The following ADGRV1 variants were observed in gnomAD, a reference collection of about 807,000 sequenced individuals.
The protein encoded by ADGRV1 is G-protein coupled receptor 98.
A neutral mutation model predicts 596.2 loss-of-function variants in ADGRV1; 359 were observed. The ratio of observed to expected loss-of-function variants is 0.60; its 90% CI spans 0.55 to 0.66. The LOEUF is 0.66. Among genes scored for constraint, ADGRV1 ranks in the 30% least tolerant of loss-of-function variants. ADGRV1 has a pLI of 0.00. For synonymous variants in ADGRV1, 2,681 were observed against 2,679.2 expected (o/e 1.00, Z -0.02); for missense variants, 7,274 against 7,575.6 (o/e 0.96, Z 1.48).
At chr5:91,080,588 CAAAAA>C (rs10696264) in intron 86 of ADGRV1, among the ~76,000 whole-genome samples, 16 of 84,464 alleles carry the variant, frequency 1.9e-4, no homozygotes, top group African/African-American at 6.9e-4. Flanking sequence ...GCACACCCTG[CAAAAA>C]AAAAAAAAAA....
intron 89 of ADGRV1, among the ~76,000 whole-genome samples, chr5:91,158,785 C>T (rs1485927423): frequency 6.6e-6 from 1 of 151,914 alleles, no homozygotes; most frequent in Non-Finnish European, 1.5e-5. Flanking sequence ...TCTCAGTATC[C>T]CTGGAAATGT....
chr5:90,768,219 G>A (rs898052799), intron 59 of ADGRV1, among the ~76,000 whole-genome samples: 6 of 152,134 alleles, frequency 3.9e-5, no homozygotes, highest in African/African-American at 1.4e-4. Context: ...AGGAGGCATG[G>A]GGTTGTTTCT....
intron 26 of ADGRV1, among the ~76,000 whole-genome samples, chr5:90,680,096 T>TC (rs1304243626): frequency 5.3e-5 from 8 of 152,122 alleles, no homozygotes; most frequent in Non-Finnish European, 1.5e-5. Context: ...TGGGGAGTAA[T>TC]CCCAGCACTC....
intron 5 of ADGRV1, among the ~76,000 whole-genome samples, chr5:90,624,740 T>C (rs1353842675): frequency 6.6e-6 from 1 of 152,246 alleles, no homozygotes; most frequent in Non-Finnish European, 1.5e-5. Flanking sequence ...AAATGCTTTT[T>C]TAAATGAATG....
chr5:90,763,060 C>T (rs1756677150), intron 58 of ADGRV1: 1 of 388,276 alleles, frequency 2.6e-6, no homozygotes, highest in Admixed American at 3.9e-5. Flanking sequence ...CCTCTATTCT[C>T]TGGGTCAGAA....
intron 85 of ADGRV1, among the ~76,000 whole-genome samples, chr5:91,059,875 C>T (rs1008765837): frequency 3.9e-5 from 6 of 152,054 alleles, no homozygotes; most frequent in Non-Finnish European, 8.8e-5. Context: ...TTGCAGGACA[C>T]ATAAAAATGA....
chr5:91,041,802 A>G (rs1419143282), intron 85 of ADGRV1, among the ~76,000 whole-genome samples: 2 of 152,056 alleles, frequency 1.3e-5, no homozygotes, highest in Non-Finnish European at 2.9e-5. Flanking sequence ...GGTCAATATA[A>G]TCTCTACCTT....
intron 85 of ADGRV1, among the ~76,000 whole-genome samples, chr5:91,026,807 G>A (rs1394120066): frequency 2.0e-5 from 3 of 152,012 alleles, no homozygotes; most frequent in South Asian, 2.1e-4. Context: ...ATACTGCAAC[G>A]AGAATAGGAT....
rs1350442679 is a variant in ADGRV1, at chr5:90,820,350, T to C, written c.16197-3075T>C. ...GGGTTTCCTGAATACAGCACACTGA[T>C]GGGTCTTGACTCTTTATCCAATTTG... On this transcript the variant is annotated intron_variant, in intron 75 of 89. Coordinates refer to ENST00000405460, the MANE Select transcript of ADGRV1 (RefSeq NM_032119.4). Among the ~76,000 whole-genome samples, 1,083 of 146,352 alleles carry C rather than the reference T, an allele frequency of 7.4e-3. 11 individuals carry two copies. Among genetic ancestry groups the C allele is most frequent in the African/African-American group, 0.026 (1,034 of 39,186 alleles).
intron 85 of ADGRV1, among the ~76,000 whole-genome samples, chr5:91,019,194 A>C (rs2151179728): frequency 6.6e-6 from 1 of 152,092 alleles, no homozygotes; most frequent in Non-Finnish European, 1.5e-5. Context: ...AGGGAAGATG[A>C]GGTCAGTTAT....
intron 27 of ADGRV1, among the ~76,000 whole-genome samples, chr5:90,682,789 A>G (rs771881922): frequency 5.9e-5 from 9 of 152,216 alleles, no homozygotes; most frequent in Non-Finnish European, 1.5e-5. Context: ...AATAAAAATT[A>G]CTCTTAGTTG....
chr5:90,596,091 A>T (rs1406533585), intron 1 of ADGRV1, among the ~76,000 whole-genome samples: 1 of 135,776 alleles, frequency 7.4e-6, no homozygotes, highest in Non-Finnish European at 1.6e-5. Context: ...CCGGGCAGAG[A>T]CGCTCCTCAA....
intron 59 of ADGRV1, among the ~76,000 whole-genome samples, chr5:90,771,943 T>C (rs187331047): frequency 6.1e-4 from 93 of 152,316 alleles, no homozygotes; most frequent in African/African-American, 1.6e-3. Flanking sequence ...ATCACCTTTT[T>C]ATCCCAGAAC....
chr5:90,732,829 C>T (rs1752727606), intron 50 of ADGRV1, among the ~76,000 whole-genome samples: 1 of 152,210 alleles, frequency 6.6e-6, no homozygotes, highest in Non-Finnish European at 1.5e-5. Context: ...AGAAAAACAG[C>T]ATTATTATGA....
In ADGRV1 at chr5:90,721,022, G is replaced by A. The variant is rs1750851347; in HGVS notation, c.9711G>A (p.Val3237=). 6.2e-7 allele frequency: 1 copy of A among 1,612,540 alleles called. No homozygotes were observed. Among genetic ancestry groups the A allele is most frequent in the Admixed American group, 1.7e-5 (1 of 59,978 alleles). The change falls in exon 45 of 90, where the codon GTG becomes GTA. Residue 3237 remains valine, a synonymous_variant. Transcript: ENST00000405460. ...RTNGIDLAVS[V]QWETVSETAF... ...ATGGCATTGATTTGGCTGTGAGTGT[G>A]CAGTGGGAGACAGTATCTGAAACAG...
intron 85 of ADGRV1, among the ~76,000 whole-genome samples, chr5:91,063,268 A>G (rs1175387760): frequency 6.6e-6 from 1 of 152,010 alleles, no homozygotes; most frequent in African/African-American, 2.4e-5. Context: ...GTTTTTCTCA[A>G]ACTTTAAACC....
rs572760693 is a variant in ADGRV1, at chr5:90,628,654, C to T, written c.1331C>T (p.Pro444Leu). Residue 444 changes from proline to leucine, a missense_variant, in exon 8 of 90, where the codon CCA (proline) becomes CTA (leucine). By Grantham distance (98) the Pro-to-Leu change is moderately conservative. Transcript: ENST00000405460. ...VLTRNSTDPS[P>L]VTADIRPSSG... is the part of the protein sequence containing the mutation. ...ACACGGAACAGCACTGATCCCTCAC[C>T]AGTAACAGCAGATATCAGACCGAGC... 1.2e-6 allele frequency: 2 copies of T among 1,613,974 alleles called. No homozygotes were observed. Among genetic ancestry groups the T allele is most frequent in the South Asian group, 1.1e-5 (1 of 91,076 alleles).
intron 75 of ADGRV1, among the ~76,000 whole-genome samples, chr5:90,821,734 CA>C (rs944690102): frequency 2.0e-5 from 3 of 151,860 alleles, no homozygotes; most frequent in African/African-American, 4.9e-5. Context: ...GCTTCGGGGT[CA>C]GGGGTCAGGC....
intron 74 of ADGRV1, among the ~76,000 whole-genome samples, chr5:90,814,886 T>C (rs1445449367): frequency 6.6e-6 from 1 of 152,182 alleles, no homozygotes; most frequent in African/African-American, 2.4e-5. Context: ...GTCAGAACTA[T>C]GCAGTGGTAT....
Sources: gnomAD v4.1 joint callset for allele counts (sites outside exome capture counted in the v4.1 genomes callset) on GRCh38, gnomAD v4.1.1 for gene constraint, MANE v1.5 for transcripts, NCBI Gene and HGNC (gene_info 2026-07-23, HGNC 2026-07-21) for gene names.